EPS15L1: variants seen among roughly 807,000 people sequenced by gnomAD.
EPS15L1 encodes epidermal growth factor receptor substrate 15-like 1.
In EPS15L1, 43 loss-of-function variants were observed where a neutral mutation model predicts 117.1. The observed-to-expected ratio is 0.37, with a 90% confidence interval of 0.29 to 0.47. EPS15L1 has a LOEUF of 0.47. Ranked by LOEUF, EPS15L1 falls within the 20% of genes least tolerant of loss-of-function variation. EPS15L1 has a pLI of 0.99. For synonymous variants in EPS15L1, 459 were observed against 470.5 expected, an observed-to-expected ratio of 0.98 and a Z score of 0.32; for missense variants, 981 against 1,164.0, an observed-to-expected ratio of 0.84 and a Z score of 2.29.
intron 21 of EPS15L1, among the ~76,000 whole-genome samples, chr19:16,380,222 C>T (rs769856270): frequency 4.0e-5 from 6 of 151,644 alleles, no homozygotes; most frequent in Middle Eastern, 3.6e-3. Context: ...CACACCAAAG[C>T]GGCCATCTAA....
intron 1 of EPS15L1, among the ~76,000 whole-genome samples, chr19:16,444,536 C>A (rs1223614777): frequency 1.3e-5 from 2 of 151,944 alleles, no homozygotes; most frequent in African/African-American, 4.8e-5. Flanking sequence ...AGAAGACCCA[C>A]AGAAAGGAGG....
intron 10 of EPS15L1, among the ~76,000 whole-genome samples, chr19:16,420,961 G>A (rs2092807903): frequency 6.6e-6 from 1 of 152,214 alleles, no homozygotes; most frequent in Non-Finnish European, 1.5e-5. Context: ...CCAAGGCCCT[G>A]CTGCCCGCAC....
intron 1 of EPS15L1, among the ~76,000 whole-genome samples, chr19:16,447,664 G>A (rs551033680): frequency 6.6e-6 from 1 of 152,092 alleles, no homozygotes; most frequent in East Asian, 1.9e-4. Flanking sequence ...GGAGGCTGAG[G>A]CAGGAGAATC....
chr19:16,382,956 T>C (rs1242420179), intron 21 of EPS15L1: 2 of 152,140 alleles, frequency 1.3e-5, no homozygotes, highest in Non-Finnish European at 2.9e-5. Flanking sequence ...TGATGGTTTT[T>C]TTTTGTTTTT....
Position 16,434,450 on chromosome 19 carries a change from A to C in EPS15L1, c.413T>G (p.Leu138Arg), listed in dbSNP as rs748137676. 6.2e-7 allele frequency: 1 copy of C among 1,614,138 alleles called. No homozygotes were observed. The highest frequency in any genetic ancestry group is 8.5e-7 in the Non-Finnish European group (1 of 1,180,006). Residue 138 changes from leucine to arginine, a missense_variant, in exon 7 of 24, where the codon CTC becomes CGC. By Grantham distance (102) the Leu-to-Arg change is moderately radical. Around this residue, in one of 5 missense-constraint regions of EPS15L1, gnomAD observed 52 missense variants for 53.1 expected, o/e 0.98. Transcript: ENST00000455140. ...KAKFDGIFES[L>R]LPINGLLSGD... ...AGAGAGCAAACCATTGATGGGCAAG[A>C]GGCTTTCAAAAATCCCATCAAATTT...
intron 1 of EPS15L1, among the ~76,000 whole-genome samples, chr19:16,452,307 G>A (rs560875917): frequency 1.3e-5 from 2 of 152,026 alleles, no homozygotes; most frequent in East Asian, 1.9e-4. Context: ...TTAGCCAAGC[G>A]TGGTGGCAGG....
At chr19:16,400,950 A>G in intron 16 of EPS15L1, 2 of 985,470 alleles carry the variant, frequency 2.0e-6, no homozygotes, top group African/African-American at 1.7e-5. Flanking sequence ...GGACAAGCCA[A>G]AAGCGGTGCC....
intron 18 of EPS15L1, among the ~76,000 whole-genome samples, 191 bp downstream of exon 18, chr19:16,393,760 G>A: frequency 6.6e-6 from 1 of 152,114 alleles, no homozygotes; most frequent in Non-Finnish European, 1.5e-5. Context: ...GGCAGTGACT[G>A]GACCTGGGGA....
In EPS15L1 at chr19:16,413,820, T is replaced by C. The variant is rs147930036; in HGVS notation, c.1219A>G (p.Ile407Val). ...QREKYSLEQD[I>V]REKEEAIRQK... Reference sequence around the variant, plus strand: ...CTGATTGCCTCTTCCTTTTCTCGAATGTCTTGTTCCAGTGAATATTTCTCT... The same window carrying C: ...CTGATTGCCTCTTCCTTTTCTCGAACGTCTTGTTCCAGTGAATATTTCTCT... Residue 407 changes from isoleucine (I) to valine (V), a missense_variant, in exon 13 of 24, where the codon ATT becomes GTT. Ile to Val is a conservative substitution (Grantham distance 29, BLOSUM62 3). This residue lies in a region of EPS15L1 where 819 missense variants were observed against 949.0 expected (regional missense o/e 0.86). Coordinates refer to ENST00000455140, the MANE Select transcript of EPS15L1 (RefSeq NM_001258374.3). 196 of 1,613,810 alleles carry C rather than the reference T, an allele frequency of 1.2e-4. No homozygotes were observed. In the African/African-American group the frequency reaches 2.3e-3, roughly 19 times the overall value.
At chr19:16,447,349 C>A (rs1243846934) in intron 1 of EPS15L1, among the ~76,000 whole-genome samples, 1 of 152,126 alleles carries the variant, frequency 6.6e-6, no homozygotes, top group East Asian at 1.9e-4. Flanking sequence ...GAAAAGAGAG[C>A]TTTTCCAAAT....
Position 16,370,768 on chromosome 19 carries a change from CG to C in EPS15L1, c.2380+6353del, listed in dbSNP as rs1414210892. ...TCAGAGTGGGACCGTTCCTTGGCACCGTCAGCAGGTCCCACCCAGCCCTAAG... is the reference window on the plus strand; with the variant it reads ...TCAGAGTGGGACCGTTCCTTGGCACCTCAGCAGGTCCCACCCAGCCCTAAG... On this transcript the variant is annotated intron_variant, in intron 22 of 23. Transcript: ENST00000455140. The surrounding 1 kb of genome is among the most constrained non-coding windows in gnomAD (Gnocchi z 5.2). Among the ~76,000 whole-genome samples the C allele has an allele frequency of 6.6e-6, 1 of 152,210 alleles. No individual in the cohort carries two copies. Among genetic ancestry groups the C allele is most frequent in the African/African-American group, 2.4e-5 (1 of 41,448 alleles).
chr19:16,392,685 C>T (rs183383576), intron 18 of EPS15L1, among the ~76,000 whole-genome samples: 1 of 152,232 alleles, frequency 6.6e-6, no homozygotes, highest in African/African-American at 2.4e-5. Context: ...TAATGAAACT[C>T]ATCTTATTAC....
At chr19:16,439,172 C>T (rs1449619768) in intron 4 of EPS15L1, among the ~76,000 whole-genome samples, 1 of 151,220 alleles carries the variant, frequency 6.6e-6, no homozygotes, top group East Asian at 1.9e-4. Context: ...GAGGTAAGTG[C>T]TAGGATCGGC....
chr19:16,434,822 T>G, intron 6 of EPS15L1: 1 of 220,266 alleles, frequency 4.5e-6, no homozygotes, highest in Non-Finnish European at 9.0e-6. Flanking sequence ...GAGACAAAGA[T>G]CAGTCTCACC....
intron 19 of EPS15L1, among the ~76,000 whole-genome samples, chr19:16,387,753 G>A (rs998549022): frequency 6.6e-6 from 1 of 152,096 alleles, no homozygotes; most frequent in African/African-American, 2.4e-5. Context: ...GCGAAAGAGC[G>A]AGACTCTGTC....
chr19:16,418,421 C>T (rs2092781663), intron 10 of EPS15L1, among the ~76,000 whole-genome samples: 2 of 152,214 alleles, frequency 1.3e-5, no homozygotes, highest in African/African-American at 2.4e-5. Context: ...TGGCTTATCT[C>T]GTGCGTGGGG....
At chr19:16,454,137 C>T (rs560336795) in intron 1 of EPS15L1, among the ~76,000 whole-genome samples, 2 of 152,294 alleles carry the variant, frequency 1.3e-5, no homozygotes, top group East Asian at 3.9e-4. Context: ...CTGTTTTCCC[C>T]CCTTGAGGGC....
chr19:16,366,922 T>C (rs749441247), intron 22 of EPS15L1, among the ~76,000 whole-genome samples: 2 of 152,176 alleles, frequency 1.3e-5, no homozygotes, highest in Non-Finnish European at 2.9e-5. Flanking sequence ...TGCTAACTCC[T>C]TAATCGTTTT....
intron 1 of EPS15L1, among the ~76,000 whole-genome samples, chr19:16,467,833 C>T (rs1001333812): frequency 1.3e-5 from 2 of 152,166 alleles, no homozygotes; most frequent in Non-Finnish European, 2.9e-5. Flanking sequence ...GGCAGGAGGA[C>T]GCAGGTGTGA....
Sources: allele counts gnomAD v4.1 joint callset (sites outside exome capture counted in the v4.1 genomes callset), GRCh38; gene constraint gnomAD v4.1.1; regional missense constraint gnomAD v4.1.1; non-coding constraint Gnocchi (gnomAD v3.1); transcripts MANE v1.5; gene names NCBI Gene and HGNC (gene_info 2026-07-23, HGNC 2026-07-21).